PIGN: variants seen among roughly 807,000 people sequenced by gnomAD.
PIGN encodes the protein GPI ethanolamine phosphate transferase 1.
A neutral mutation model predicts 125.4 loss-of-function variants in PIGN; 117 were observed. That is an observed-to-expected ratio of 0.93 (90% CI 0.80 to 1.09). PIGN has a LOEUF of 1.09. Among genes scored for constraint, PIGN ranks in the 50% least tolerant of loss-of-function variants. The probability of loss-of-function intolerance (pLI) is 0.00; values close to 1 mark genes in which losing one functional copy is unlikely to be tolerated. For synonymous variants in PIGN, 392 were observed against 377.8 expected (o/e 1.04, Z -0.44); for missense variants, 1,075 against 1,094.9 (o/e 0.98, Z 0.26).
chr18:62,166,094 T>C (rs532347315), intron 1 of PIGN, among the ~76,000 whole-genome samples: 53 of 152,340 alleles, frequency 3.5e-4, no homozygotes, highest in Admixed American at 3.3e-3. Flanking sequence ...AGCAGAAAGC[T>C]GGAGTTAAAT....
At chr18:62,079,396 C>T (rs2033340050) in intron 28 of PIGN, among the ~76,000 whole-genome samples, 2 of 152,100 alleles carry the variant, frequency 1.3e-5, no homozygotes, top group South Asian at 4.2e-4. Context: ...AAACTCAAAC[C>T]CTATGTACTG....
intron 22 of PIGN, among the ~76,000 whole-genome samples, chr18:62,097,079 T>C (rs2034240665): frequency 6.6e-6 from 1 of 150,890 alleles, no homozygotes; most frequent in Non-Finnish European, 1.5e-5. Flanking sequence ...AAATGGGATC[T>C]AATTAAACTA....
intron 22 of PIGN, 25 bp downstream of exon 22, chr18:62,101,050 T>C (rs2034415026): frequency 1.7e-6 from 2 of 1,197,572 alleles, no homozygotes; most frequent in Non-Finnish European, 2.5e-6. Flanking sequence ...TCAAATTACC[T>C]CACCTGGTTT....
At chr18:62,039,390 A>C (rs1375496501), downstream of PIGN, among the ~76,000 whole-genome samples, 1 of 152,052 alleles carries the variant, frequency 6.6e-6, no homozygotes, top group African/African-American at 2.4e-5. Context: ...TATTAACTAC[A>C]TTCCATACTT....
At chr18:62,061,007 T>C (rs764707023) in intron 30 of PIGN, among the ~76,000 whole-genome samples, 25 of 152,182 alleles carry the variant, frequency 1.6e-4, no homozygotes, top group Non-Finnish European at 2.1e-4. Flanking sequence ...ATTTTTCACA[T>C]GGCTGTTAAA....
intron 14 of PIGN, among the ~76,000 whole-genome samples, chr18:62,123,067 A>G (rs1176167781): frequency 6.6e-6 from 1 of 152,008 alleles, no homozygotes; most frequent in Non-Finnish European, 1.5e-5. Context: ...TGAGGCCAGG[A>G]GCTCGAGACT....
At chr18:62,039,586 C>T (rs62096626), downstream of PIGN, among the ~76,000 whole-genome samples, 13 of 119,500 alleles carry the variant, frequency 1.1e-4, no homozygotes, top group African/African-American at 3.6e-4. Context: ...AGGGTCCATC[C>T]AGGGTGCCGC....
chr18:62,179,376 C>G lies in PIGN; in HGVS notation c.-236+7468G>C, dbSNP rs540203778. ...AGTTACACTCCACCTCCTGAGATGA[C>G]GAGGCACCTACATAAATTGATGTTC... On this transcript the variant is annotated intron_variant, in intron 1 of 30. Coordinates refer to ENST00000640252, the MANE Select transcript of PIGN (RefSeq NM_176787.5). Among the ~76,000 whole-genome samples, 27 of 152,138 alleles carry G rather than the reference C, an allele frequency of 1.8e-4. 1 individual carries two copies. Among genetic ancestry groups the G allele is most frequent in the Non-Finnish European group, 3.4e-4 (23 of 68,022 alleles).
chr18:62,084,754 C>A, intron 26 of PIGN, 148 bp from the exon 27 acceptor site: 2 of 647,138 alleles, frequency 3.1e-6, no homozygotes, highest in South Asian at 1.9e-5. Context: ...CTAAAATGAA[C>A]GCAGTAGATC....
At chr18:62,171,611 T>TC (rs1306583981) in intron 1 of PIGN, among the ~76,000 whole-genome samples, 1 of 152,154 alleles carries the variant, frequency 6.6e-6, no homozygotes, top group African/African-American at 2.4e-5. Flanking sequence ...TGAGGAAGTT[T>TC]CCTTTTACTC....
Position 62,169,842 on chromosome 18 carries a change from C to T in PIGN, c.-235-6186G>A, listed in dbSNP as rs557582306. 2.0e-5 allele frequency among the ~76,000 whole-genome samples: 3 copies of T among 151,238 alleles called. No homozygotes were observed. The South Asian group carries it at 6.3e-4, about 32-fold the overall frequency. On this transcript the variant is annotated intron_variant, in intron 1 of 30. Transcript: ENST00000640252. ...CTCAGTATGTTGCCCAGGCTGGTCT[C>T]GAACTCCTGGGTTCAAGTGATTCTC...
In PIGN at chr18:62,071,879, T is replaced by C. The variant is rs1380554441; in HGVS notation, c.2672+794A>G. ...CTCCTTTTCCATATATATATATATATATATATATATATATATATATATATA... is the reference window on the plus strand; with the variant it reads ...CTCCTTTTCCATATATATATATATACATATATATATATATATATATATATA... On this transcript the variant is annotated intron_variant, in intron 30 of 30. Coordinates refer to ENST00000640252, the MANE Select transcript of PIGN (RefSeq NM_176787.5). Among the ~76,000 whole-genome samples, 4 of 94,576 alleles carry C rather than the reference T, an allele frequency of 4.2e-5. 1 individual carries two copies. In the East Asian group the frequency reaches 1.1e-3, roughly 26 times the overall value. The allele number at this position is 94,576 out of a possible 152,430, so 62.0% of individuals were successfully genotyped here.
At position 62,146,964 on chromosome 18, in the gene PIGN, C is replaced by G; in HGVS notation, c.805+7G>C. 6.2e-7 allele frequency: 1 copy of G among 1,610,608 alleles called. No homozygotes were observed. The highest frequency in any genetic ancestry group is 8.5e-7 in the Non-Finnish European group (1 of 1,177,470). On this transcript the variant is annotated splice_region_variant and intron_variant, in intron 9 of 30. Transcript: ENST00000640252. Reference sequence around the variant, plus strand: ...GTAAGGTACATATCAATTAAAGACACACTAACCCCAGTCTGTCATTCCATG... The same window carrying G: ...GTAAGGTACATATCAATTAAAGACAGACTAACCCCAGTCTGTCATTCCATG...
rs567226810 is a variant in PIGN at position 62,114,511 on chromosome 18, T to TC, written c.1251+49dup. ...CTTTGCTCTATTTTTCTCCTCTCCA[T>TC]CCCCAAAATGATAATCAGCTATTTA... On this transcript the variant is annotated intron_variant, in intron 15 of 30. Transcript: ENST00000640252. The TC allele has an allele frequency of 1.9e-3, 2,130 of 1,146,402 alleles. 1 individual carries two copies. The highest frequency in any genetic ancestry group is 2.5e-3 in the Non-Finnish European group (1,933 of 778,116). The allele number at this position is 1,146,402 out of a possible 1,614,324, so 71.0% of individuals were successfully genotyped here.
intron 30 of PIGN, among the ~76,000 whole-genome samples, chr18:62,059,741 A>G (rs998503840): frequency 2.0e-5 from 3 of 152,216 alleles, no homozygotes; most frequent in South Asian, 4.1e-4. Flanking sequence ...AACTCCATAC[A>G]TTTGCCAAAA....
intron 1 of PIGN, among the ~76,000 whole-genome samples, chr18:62,182,048 G>A (rs2037736115): frequency 6.6e-6 from 1 of 152,134 alleles, no homozygotes; most frequent in African/African-American, 2.4e-5. Flanking sequence ...TTAATAGGCT[G>A]TTATCACTTG....
chr18:62,054,009 T>C (rs1294572573), intron 30 of PIGN, among the ~76,000 whole-genome samples: 3 of 151,954 alleles, frequency 2.0e-5, no homozygotes, highest in Non-Finnish European at 2.9e-5. Context: ...GGGTCAAAGA[T>C]GAAGTTTCAA....
rs545600957 is a variant in PIGN at position 62,074,821 on chromosome 18, G to T, written c.2577C>A (p.Ser859Arg). Reference protein sequence around the residue: ...VQLTTQLSSKSLFLIVLVISD... With the variant: ...VQLTTQLSSKRLFLIVLVISD... The stretch of plus-strand genomic sequence containing the variant: ...ATATGACGAGAACAATGAGAAAAAG[G>T]CTGGAAAAAAAAAGAAGGAAAAATT... The change falls in exon 29 of 31, where the codon AGC becomes AGA. Residue 859 changes from serine to arginine, a missense_variant and splice_region_variant. Physicochemically the swap from Ser to Arg is moderately radical, Grantham distance 110. Transcript: ENST00000640252. 3.7e-6 allele frequency: 6 copies of T among 1,602,576 alleles called. No homozygotes were observed. In the East Asian group the frequency reaches 9.0e-5, roughly 24 times the overall value.
At position 62,109,816 on chromosome 18, in the gene PIGN, G is replaced by C. The variant is rs1178889805; in HGVS notation, c.1574+18C>G. 5.0e-6 allele frequency: 8 copies of C among 1,586,480 alleles called. No homozygotes were observed. The highest frequency in any genetic ancestry group is 6.9e-6 in the Non-Finnish European group (8 of 1,164,410). ...GTCAATGAAGTGAAAAAACAAGGCAGCAAGATGCATTACTTACTCTCTTAG... is the reference window on the plus strand; with the variant it reads ...GTCAATGAAGTGAAAAAACAAGGCACCAAGATGCATTACTTACTCTCTTAG... On this transcript the variant is annotated intron_variant, in intron 17 of 30. Transcript: ENST00000640252.
Sources: allele counts gnomAD v4.1 joint callset (sites outside exome capture counted in the v4.1 genomes callset), GRCh38; gene constraint gnomAD v4.1.1; transcripts MANE v1.5; gene names NCBI Gene and HGNC (gene_info 2026-07-23, HGNC 2026-07-21).